The following CDK19 variants were observed in gnomAD, a reference collection of about 807,000 sequenced individuals.
CDK19 encodes cyclin-dependent kinase 19.
A neutral mutation model predicts 68.3 loss-of-function variants in CDK19; 20 were observed. The observed-to-expected ratio is 0.29, with a 90% CI of 0.21 to 0.43. CDK19 has a LOEUF of 0.43. Among genes scored for constraint, CDK19 ranks in the 20% least tolerant of loss-of-function variants. The pLI is 1.00. For missense variants in CDK19, 339 were observed against 623.5 expected, an observed-to-expected ratio of 0.54 and a Z score of 4.86; for synonymous variants, 221 against 222.8, an observed-to-expected ratio of 0.99 and a Z score of 0.07.
At chr6:110,639,245 A>C (rs1779973230) in intron 4 of CDK19, among the ~76,000 whole-genome samples, 1 of 152,222 alleles carries the variant, frequency 6.6e-6, no homozygotes, top group South Asian at 2.1e-4. Flanking sequence ...ATAAAAACCA[A>C]GGCTAATACA....
intron 10 of CDK19, 104 bp downstream of exon 10, chr6:110,622,711 T>C (rs9487465): frequency 0.21 from 157,010 of 748,382 alleles, 17,682 homozygotes; most frequent in African/African-American, 0.35. Flanking sequence ...GGTGGTATCA[T>C]TGAAAAAGTT....
chr6:110,795,008 C>T (rs1350123877), intron 1 of CDK19, among the ~76,000 whole-genome samples: 9 of 152,234 alleles, frequency 5.9e-5, no homozygotes, highest in Admixed American at 3.3e-4. Context: ...CTCAGTCTGT[C>T]GCCAAATCTT....
chr6:110,633,712 C>A (rs1336381166), intron 5 of CDK19, among the ~76,000 whole-genome samples: 1 of 152,166 alleles, frequency 6.6e-6, no homozygotes, highest in African/African-American at 2.4e-5. Flanking sequence ...AAGTCCTTTG[C>A]AGTTTACAAA....
intron 2 of CDK19, among the ~76,000 whole-genome samples, chr6:110,714,244 T>C (rs1775192821): frequency 6.6e-6 from 1 of 152,252 alleles, no homozygotes; most frequent in Non-Finnish European, 1.5e-5. Flanking sequence ...GGTTCATCCA[T>C]GTGTGGCCAG....
chr6:110,623,827 T>C (rs1778889319), intron 8 of CDK19, among the ~76,000 whole-genome samples: 1 of 147,128 alleles, frequency 6.8e-6, no homozygotes, highest in Non-Finnish European at 1.5e-5. Flanking sequence ...CACATACATA[T>C]ACACATATAT....
chr6:110,736,960 A>C (rs1003578072), intron 2 of CDK19, among the ~76,000 whole-genome samples: 2 of 152,228 alleles, frequency 1.3e-5, no homozygotes, highest in African/African-American at 4.8e-5. Context: ...AAGAATATTA[A>C]ATTGATAATT....
At chr6:110,654,934 T>G (rs907971887) in intron 4 of CDK19, among the ~76,000 whole-genome samples, 1 of 144,428 alleles carries the variant, frequency 6.9e-6, no homozygotes, top group African/African-American at 2.6e-5. Flanking sequence ...AGAACAAAAC[T>G]CTGTCTCCAA....
In CDK19 at chr6:110,739,788, G is replaced by A. The variant is rs920750013; in HGVS notation, c.204+6338C>T. Among the ~76,000 whole-genome samples the A allele has an allele frequency of 6.7e-5, 10 of 148,344 alleles. No individual in the cohort carries two copies. The South Asian group carries it at 9.0e-4, about 13-fold the overall frequency. ...TAGGACTACAGGTGAGTGCCACTAT[G>A]CCCAGCTAATTATTATTATTATTAT... On this transcript the variant is annotated intron_variant, in intron 2 of 12. Transcript: ENST00000368911.
intron 2 of CDK19, among the ~76,000 whole-genome samples, chr6:110,683,898 G>A (rs926379603): frequency 1.3e-5 from 2 of 149,628 alleles, no homozygotes; most frequent in African/African-American, 4.9e-5. Context: ...TTTTAGTGGA[G>A]ATGGGGTTTC....
chr6:110,810,987 T>C (rs1293406253), intron 1 of CDK19, among the ~76,000 whole-genome samples: 1 of 152,008 alleles, frequency 6.6e-6, no homozygotes, highest in African/African-American at 2.4e-5. Flanking sequence ...TTTCCTCCCA[T>C]GGTATTAGGA....
intron 2 of CDK19, among the ~76,000 whole-genome samples, chr6:110,730,538 T>C (rs950296219): frequency 3.3e-5 from 5 of 152,190 alleles, no homozygotes; most frequent in Non-Finnish European, 7.3e-5. Flanking sequence ...ATAGTTACGA[T>C]GTAGGGGAGA....
At chr6:110,768,804 CA>C (rs1779768937) in intron 1 of CDK19, among the ~76,000 whole-genome samples, 1 of 152,072 alleles carries the variant, frequency 6.6e-6, no homozygotes, top group South Asian at 2.1e-4. Flanking sequence ...TGGTTAAATA[CA>C]TATCATTACA....
intron 4 of CDK19, among the ~76,000 whole-genome samples, chr6:110,658,388 T>TA (rs1032619980): frequency 2.6e-4 from 40 of 152,360 alleles, no homozygotes; most frequent in Non-Finnish European, 4.9e-4. Flanking sequence ...CTATGCATTT[T>TA]AAAAGAAATC....
chr6:110,659,129 G>T (rs940855125), intron 4 of CDK19, among the ~76,000 whole-genome samples: 1 of 152,202 alleles, frequency 6.6e-6, no homozygotes, highest in East Asian at 1.9e-4. Context: ...CAAAATGCTG[G>T]CATAATGGTT....
rs545861653 is a variant in CDK19, at chr6:110,776,411, A to G, written c.129-30210T>C. Among the ~76,000 whole-genome samples, 5 of 150,532 alleles carry G rather than the reference A, an allele frequency of 3.3e-5. No individual in the cohort carries two copies. The South Asian group carries it at 8.5e-4, about 26-fold the overall frequency. On this transcript the variant is annotated intron_variant, in intron 1 of 12. Coordinates refer to ENST00000368911, the MANE Select transcript of CDK19 (RefSeq NM_015076.5). ...GCCACTGCACTCCAGCCTGGGCAAC[A>G]AGACTGAAACTCTGTCTCAAAAAAA...
At chr6:110,699,120 A>G (rs1773762304) in intron 2 of CDK19, among the ~76,000 whole-genome samples, 1 of 151,710 alleles carries the variant, frequency 6.6e-6, no homozygotes, top group South Asian at 2.1e-4. Flanking sequence ...AAAGAATGAA[A>G]TAATGTCTTT....
chr6:110,815,226 T>G lies in CDK19; in HGVS notation c.-90A>C. ...CCCCCCGCGACCGCCGCTCCACTTCTCCAACAGCCGCCTCTCGCGCGCGCG... is the reference window on the plus strand; with the variant it reads ...CCCCCCGCGACCGCCGCTCCACTTCGCCAACAGCCGCCTCTCGCGCGCGCG... On this transcript the variant is annotated 5_prime_UTR_variant, in exon 1 of 13. Transcript: ENST00000368911. 7.5e-6 allele frequency: 9 copies of G among 1,197,480 alleles called. No homozygotes were observed. The highest frequency in any genetic ancestry group is 7.4e-6 in the Non-Finnish European group (7 of 943,362). The allele number at this position is 1,197,480 out of a possible 1,614,324, so 74.2% of individuals were successfully genotyped here.
At chr6:110,646,494 C>G in intron 4 of CDK19, 2 of 1,429,380 alleles carry the variant, frequency 1.4e-6, no homozygotes, top group South Asian at 2.8e-5. Context: ...TCGTTCTGTG[C>G]CAGCGTGGTG....
intron 4 of CDK19, among the ~76,000 whole-genome samples, chr6:110,653,472 AAC>A (rs762537165): frequency 8.5e-5 from 13 of 152,258 alleles, no homozygotes; most frequent in Non-Finnish European, 1.8e-4. Context: ...CATCCCAAGT[AAC>A]ACAGACTATG....
Sources: gnomAD v4.1 joint callset for allele counts (sites outside exome capture counted in the v4.1 genomes callset) on GRCh38, gnomAD v4.1.1 for gene constraint, MANE v1.5 for transcripts, NCBI Gene and HGNC (gene_info 2026-07-23, HGNC 2026-07-21) for gene names.